The following SPG7 variants were observed in gnomAD, a reference collection of about 807,000 sequenced individuals.
The protein encoded by SPG7 is SPG7 matrix AAA peptidase subunit, paraplegin, also known as mitochondrial inner membrane m-AAA protease component paraplegin.
SPG7 carries 103 observed loss-of-function variants against 81.9 expected under a neutral mutation model. The observed-to-expected ratio is 1.26, with a 90% CI of 1.07 to 1.48. The LOEUF is 1.48. SPG7 is among the 40% of genes most tolerant of loss of function. The pLI is 0.00. For synonymous variants in SPG7, 534 were observed against 444.2 expected (o/e 1.20, Z -2.54); for missense variants, 1,241 against 1,087.3 (o/e 1.14, Z -1.99).
At chr16:89,549,504 GA>G in intron 12 of SPG7, 1 of 339,190 alleles carries the variant, frequency 2.9e-6, no homozygotes, top group Non-Finnish European at 5.8e-6. Context: ...TAAAAGAAAA[GA>G]ATAAAGAGTA....
At chr16:89,524,503 A>G (rs2058236031) in intron 4 of SPG7, among the ~76,000 whole-genome samples, 1 of 152,128 alleles carries the variant, frequency 6.6e-6, no homozygotes, top group African/African-American at 2.4e-5. Context: ...AAGCGCAGTG[A>G]TGTGATCTTG....
chr16:89,545,449 C>G (rs868376105), intron 10 of SPG7: 1 of 185,522 alleles, frequency 5.4e-6, no homozygotes, highest in Admixed American at 5.5e-5. Flanking sequence ...GGCTCTCAGC[C>G]GGTGCTCAGT....
chr16:89,553,099 G>T lies in SPG7; in HGVS notation c.1900G>T (p.Ala634Ser), dbSNP rs1281657901. 6.2e-7 allele frequency: 1 copy of T among 1,612,714 alleles called. No homozygotes were observed. The highest frequency in any genetic ancestry group is 1.1e-5 in the South Asian group (1 of 90,778). ...ERMCMALGGR[A>S]SEALSFNEVT... is the part of the protein sequence containing the mutation. ...GATGTGCATGGCCCTGGGAGGACGG[G>T]CCTCGGAAGCACTGTCCTTCAACGA... Residue 634 changes from alanine to serine, a missense_variant, in exon 14 of 17, where the codon GCC becomes TCC. Ala to Ser is a moderately conservative substitution (Grantham distance 99, BLOSUM62 1). Transcript: ENST00000645818.
intron 12 of SPG7, chr16:89,550,118 A>G: frequency 2.9e-6 from 1 of 349,434 alleles, no homozygotes; most frequent in Middle Eastern, 1.0e-3. Context: ...CACACGGGGC[A>G]GGAGCAGGGC....
intron 11 of SPG7, chr16:89,547,706 G>C: frequency 2.5e-6 from 1 of 397,860 alleles, no homozygotes; most frequent in Non-Finnish European, 4.8e-6. Flanking sequence ...TCCGCCTCCT[G>C]GGTTCAACCG....
At chr16:89,528,391 C>G (rs1452806820) in intron 5 of SPG7, among the ~76,000 whole-genome samples, 3 of 134,060 alleles carry the variant, frequency 2.2e-5, no homozygotes, top group East Asian at 4.7e-4. Context: ...GACTCCATCT[C>G]AAACAAAAAA....
At chr16:89,547,444 G>C (rs1277597896) in intron 11 of SPG7, 3 of 186,870 alleles carry the variant, frequency 1.6e-5, no homozygotes, top group African/African-American at 7.2e-5. Flanking sequence ...GGCCTCAGTG[G>C]AACACGGTGC....
intron 5 of SPG7, chr16:89,528,577 G>A (rs2058298976): frequency 6.6e-6 from 1 of 151,564 alleles, no homozygotes; most frequent in South Asian, 2.1e-4. Flanking sequence ...CCCTCCTCAG[G>A]ATGAGGGCAA....
chr16:89,530,108 G>T, intron 6 of SPG7: 1 of 268,074 alleles, frequency 3.7e-6, no homozygotes, highest in Non-Finnish European at 7.2e-6. Context: ...CAAAGTGCTG[G>T]GATTATAGGC....
chr16:89,549,131 T>C, intron 12 of SPG7: 1 of 456,656 alleles, frequency 2.2e-6, no homozygotes, highest in Non-Finnish European at 4.4e-6. Flanking sequence ...GAAATTTATT[T>C]TCGTGTAACC....
intron 6 of SPG7, 43 bp from the exon 7 acceptor site, chr16:89,530,640 C>T (rs1230508964): frequency 9.3e-6 from 15 of 1,613,680 alleles, no homozygotes; most frequent in Non-Finnish European, 1.3e-5. Context: ...CTGCTGATTT[C>T]CTGACTTCGC....
rs1183233986 is a variant in SPG7 at position 89,553,879 on chromosome 16, C to T, written c.2022C>T (p.Ile674=). The T allele has an allele frequency of 1.2e-6, 2 of 1,613,466 alleles. No individual in the cohort carries two copies. The highest frequency in any genetic ancestry group is 8.5e-7 in the Non-Finnish European group (1 of 1,180,018). ...QFGMAPGIGP[I]SFPEAQEGLM... ...GGATGGCACCTGGCATCGGGCCCAT[C>T]TCCTTCCCTGAGGCGCAGGAGGGCC... is the stretch of plus-strand genomic sequence containing the variant. The change falls in exon 15 of 17, where the codon ATC becomes ATT. Residue 674 remains isoleucine (I), a synonymous_variant. Transcript: ENST00000645818.
At chr16:89,508,818 G>T (rs2057969785) in intron 1 of SPG7, 1 of 691,254 alleles carries the variant, frequency 1.4e-6, no homozygotes, top group Admixed American at 2.0e-5. Flanking sequence ...GCTGGGATCC[G>T]CGCAGTCCTC....
At chr16:89,547,706 G>T in intron 11 of SPG7, 2 of 397,860 alleles carry the variant, frequency 5.0e-6, no homozygotes, top group South Asian at 4.2e-5. Flanking sequence ...TCCGCCTCCT[G>T]GGTTCAACCG....
intron 14 of SPG7, chr16:89,553,499 A>G (rs1306954294): frequency 1.7e-5 from 9 of 533,278 alleles, no homozygotes; most frequent in Non-Finnish European, 3.0e-5. Context: ...CTCCAGGTCC[A>G]TGGGTTTGCC....
chr16:89,509,296 C>T (rs1207147050), intron 1 of SPG7, among the ~76,000 whole-genome samples: 1 of 152,162 alleles, frequency 6.6e-6, no homozygotes, highest in East Asian at 1.9e-4. Flanking sequence ...CGCTCTGTCG[C>T]CCAGGCTGGA....
intron 1 of SPG7, chr16:89,508,852 T>C (rs1414191116): frequency 1.5e-6 from 1 of 669,100 alleles, no homozygotes; most frequent in East Asian, 2.9e-5. Flanking sequence ...CCAACCCGTC[T>C]GTTGTGTGTG....
At chr16:89,541,457 T>A in intron 9 of SPG7, 2 of 493,130 alleles carry the variant, frequency 4.1e-6, no homozygotes, top group South Asian at 8.7e-5. Flanking sequence ...TTAGGGGAGG[T>A]CTCCAGGGAG....
chr16:89,508,860 G>T (rs1030206699), intron 1 of SPG7: 1 of 663,508 alleles, frequency 1.5e-6, no homozygotes, highest in South Asian at 1.5e-5. Context: ...TCTGTTGTGT[G>T]TGGATGTTCT....
Sources: gnomAD v4.1 joint callset for allele counts (sites outside exome capture counted in the v4.1 genomes callset) on GRCh38, gnomAD v4.1.1 for gene constraint, MANE v1.5 for transcripts, NCBI Gene and HGNC (gene_info 2026-07-23, HGNC 2026-07-21) for gene names.